HIBCH: variants seen among roughly 807,000 people sequenced by gnomAD.
The protein encoded by HIBCH is 3-hydroxyisobutyryl-CoA hydrolase.
A neutral mutation model predicts 58.2 loss-of-function variants in HIBCH; 50 were observed. The ratio of observed to expected loss-of-function variants is 0.86; its 90% CI spans 0.68 to 1.09. The LOEUF (loss-of-function observed/expected upper bound fraction) is 1.09. Ranked by LOEUF, HIBCH falls within the 50% of genes least tolerant of loss-of-function variation. HIBCH has a pLI of 0.00. For missense variants in HIBCH, 450 were observed against 449.7 expected, an observed-to-expected ratio of 1.00 and a Z score of -0.01; for synonymous variants, 151 against 146.9, an observed-to-expected ratio of 1.03 and a Z score of -0.20.
rs79219282 is a variant in HIBCH, at chr2:190,232,966, T to A, written c.891+11921A>T. On this transcript the variant is annotated intron_variant, in intron 11 of 13. Transcript: ENST00000359678. ...GAGCAAGACTCTATCTCAAAAAAAA[T>A]AAATAAATAACAAAAAACAAAATGT... Among the ~76,000 whole-genome samples, 9 of 83,572 alleles carry A rather than the reference T, an allele frequency of 1.1e-4. No homozygotes were observed. In the South Asian group the frequency reaches 1.5e-3, roughly 14 times the overall value. 54.8% of individuals were successfully genotyped at this position (83,572 alleles called of 152,430 possible). A position where few individuals can be genotyped will look rare whatever the true frequency, so the allele number is the denominator to read the frequency against.
intron 1 of HIBCH, among the ~76,000 whole-genome samples, chr2:190,191,427 G>A (rs868491855): frequency 2.0e-5 from 3 of 152,200 alleles, no homozygotes; most frequent in African/African-American, 7.2e-5. Context: ...TTACAGGCAT[G>A]CGCCACCGTC....
chr2:190,199,921 C>T (rs760498186), downstream of HIBCH: 1 of 1,614,054 alleles, frequency 6.2e-7, no homozygotes, highest in South Asian at 1.1e-5. Flanking sequence ...AGGTGAGAAG[C>T]AGCATGAGAG....
At chr2:190,263,272 T>TACCAAACCC (rs1357663154) in intron 6 of HIBCH, among the ~76,000 whole-genome samples, 1 of 152,136 alleles carries the variant, frequency 6.6e-6, no homozygotes, top group Non-Finnish European at 1.5e-5. Flanking sequence ...CCCCCAAACC[T>TACCAAACCC]ACCAAACCCA....
At position 190,251,972 on chromosome 2, in the gene HIBCH, CAT is replaced by C. The variant is rs931791599; in HGVS notation, c.663+188_663+189del. On this transcript the variant is annotated intron_variant, in intron 8 of 13. Transcript: ENST00000359678. ...TCCAGGTATCATTATCTCCAGTTTG[CAT>C]ATGAGGAAACAGAATTAGAGAGCTT... Among the ~76,000 whole-genome samples, 8 of 152,088 alleles carry C rather than the reference CAT, an allele frequency of 5.3e-5. 1 individual carries two copies. Among genetic ancestry groups the C allele is most frequent in the Admixed American group, 5.2e-4 (8 of 15,270 alleles).
intron 1 of HIBCH, among the ~76,000 whole-genome samples, chr2:190,194,874 G>C (rs924945922): frequency 6.6e-6 from 1 of 151,966 alleles, no homozygotes; most frequent in Admixed American, 6.6e-5. Flanking sequence ...ATTTTTTGAG[G>C]TGGGGTCTTG....
At chr2:190,259,095 T>G (rs548146021) in intron 7 of HIBCH, among the ~76,000 whole-genome samples, 1 of 152,316 alleles carries the variant, frequency 6.6e-6, no homozygotes, top group Admixed American at 6.5e-5. Flanking sequence ...TCTTGGCTAT[T>G]TGCAGTCTTC....
At chr2:190,280,907 T>G (rs776528902) in intron 6 of HIBCH, 2 of 152,238 alleles carry the variant, frequency 1.3e-5, no homozygotes, top group Non-Finnish European at 2.9e-5. Flanking sequence ...TTTAATAAAC[T>G]GTCACTCCTG....
chr2:190,265,813 T>C (rs1687216969), intron 6 of HIBCH, among the ~76,000 whole-genome samples: 1 of 152,204 alleles, frequency 6.6e-6, no homozygotes, highest in African/African-American at 2.4e-5. Flanking sequence ...AACATCCTCT[T>C]GTAATCTTTT....
intron 2 of HIBCH, among the ~76,000 whole-genome samples, chr2:190,308,207 G>A (rs1688463936): frequency 6.6e-6 from 1 of 152,134 alleles, no homozygotes; most frequent in Non-Finnish European, 1.5e-5. Context: ...GTCCTCATAT[G>A]ATCTGGATTC....
In HIBCH at chr2:190,204,288, T is replaced by TA. The variant is rs2105894158; in HGVS notation, c.*828dup. ...AAGGATAATTATCACACAAAAGTCT[T>TA]ACGTAAATTATAAAAAAACAGAGTG... On this transcript the variant is annotated 3_prime_UTR_variant, in exon 14 of 14. Transcript: ENST00000359678. 6.6e-6 allele frequency: 1 copy of TA among 152,230 alleles called. No homozygotes were observed. The highest frequency in any genetic ancestry group is 1.9e-4 in the East Asian group (1 of 5,188). 9.4% of individuals were successfully genotyped at this position (152,230 alleles called of 1,614,324 possible).
At chr2:190,198,748 G>C (rs561477558) in intron 1 of HIBCH, among the ~76,000 whole-genome samples, 6 of 150,728 alleles carry the variant, frequency 4.0e-5, no homozygotes, top group African/African-American at 1.2e-4. Flanking sequence ...CTCATTCATA[G>C]AGATTACCTG....
chr2:190,220,095 T>C (rs3791789), intron 11 of HIBCH, among the ~76,000 whole-genome samples: 46,890 of 152,092 alleles, frequency 0.31, 8,258 homozygotes, highest in East Asian at 0.47. Flanking sequence ...TTGTTGGCTA[T>C]AATGCTATGC....
At chr2:190,201,116 AG>A (rs768625151), downstream of HIBCH, 6 of 167,016 alleles carry the variant, frequency 3.6e-5, no homozygotes, top group African/African-American at 7.2e-5. Flanking sequence ...CTGTCCTTTG[AG>A]GAGAGTACTC....
chr2:190,256,010 C>T (rs1213005533), intron 7 of HIBCH, among the ~76,000 whole-genome samples: 1 of 152,108 alleles, frequency 6.6e-6, no homozygotes, highest in African/African-American at 2.4e-5. Context: ...AAGCTTGGAC[C>T]TTCTCACATG....
chr2:190,249,679 T>C lies in HIBCH; in HGVS notation c.711A>G (p.Lys237=), dbSNP rs1343236233. The C allele has an allele frequency of 6.2e-7, 1 of 1,609,368 alleles. No homozygotes were observed. The highest frequency in any genetic ancestry group is 1.3e-5 in the African/African-American group (1 of 74,844). ...TTTCTAAGACAGATGCAATATTTTC[T>C]TTTGAAGGAGATTTCAAGGCTAACA... ...EDLLALKSPS[K]ENIASVLENY... The change falls in exon 9 of 14, where the codon AAA becomes AAG. Residue 237 remains lysine (K), a synonymous_variant. Coordinates refer to ENST00000359678, the MANE Select transcript of HIBCH (RefSeq NM_014362.4).
rs1428735566 is a variant in HIBCH, at chr2:190,306,975, CCTTGAT to C, written c.78+3773_78+3778del. Among the ~76,000 whole-genome samples the C allele has an allele frequency of 6.6e-6, 1 of 152,142 alleles. No homozygotes were observed. The highest frequency in any genetic ancestry group is 1.5e-5 in the Non-Finnish European group (1 of 68,030). Reference sequence around the variant, plus strand: ...TCACCAGACACCAAATCCGCTGGCCCCTTGATCTTGAACTCCCCAGCCTCCAGAACC... The same window carrying C: ...TCACCAGACACCAAATCCGCTGGCCCCTTGAACTCCCCAGCCTCCAGAACC... On this transcript the variant is annotated intron_variant, in intron 2 of 13. Transcript: ENST00000359678. This position sits in a 1 kb window ranked among gnomAD's most constrained non-coding sequence, Gnocchi z 4.6.
chr2:190,293,143 G>T (rs115541548), intron 4 of HIBCH, among the ~76,000 whole-genome samples: 1 of 152,104 alleles, frequency 6.6e-6, no homozygotes, highest in African/African-American at 2.4e-5. Flanking sequence ...GTAAACTGAC[G>T]ATCACAGGCC....
chr2:190,237,216 C>T (rs542092872), intron 11 of HIBCH, among the ~76,000 whole-genome samples: 42 of 152,322 alleles, frequency 2.8e-4, no homozygotes, highest in South Asian at 6.2e-4. Flanking sequence ...ACATTTCTAA[C>T]ACTCCAAAGA....
chr2:190,245,351 G>A (rs1686575855), intron 10 of HIBCH: 1 of 200,756 alleles, frequency 5.0e-6, no homozygotes, highest in African/African-American at 2.4e-5. Flanking sequence ...AACCTTTTTT[G>A]CTGATCGGCT....
Sources: gnomAD v4.1 joint callset for allele counts (sites outside exome capture counted in the v4.1 genomes callset) on GRCh38, gnomAD v4.1.1 for gene constraint, Gnocchi (gnomAD v3.1) non-coding constraint, MANE v1.5 for transcripts, NCBI Gene and HGNC (gene_info 2026-07-23, HGNC 2026-07-21) for gene names.